PAXBP1: variants seen among roughly 807,000 people sequenced by gnomAD.
The protein encoded by PAXBP1 is PAX3 and PAX7 binding protein 1.
A neutral mutation model predicts 119.9 loss-of-function variants in PAXBP1; 44 were observed. The ratio of observed to expected loss-of-function variants is 0.37; its 90% CI spans 0.29 to 0.47. The LOEUF is 0.47. PAXBP1 is among the 20% of genes least tolerant of loss of function. The probability of loss-of-function intolerance (pLI) is 0.99; values close to 1 mark genes in which losing one functional copy is unlikely to be tolerated. For missense variants in PAXBP1, 898 were observed against 1,134.1 expected (o/e 0.79, Z 2.99); for synonymous variants, 393 against 406.6 (o/e 0.97, Z 0.40).
At chr21:32,753,584 T>C (rs2043997090) in intron 8 of PAXBP1, among the ~76,000 whole-genome samples, 1 of 152,232 alleles carries the variant, frequency 6.6e-6, no homozygotes. Context: ...AGATAAGTGC[T>C]TATAAATCTA....
At chr21:32,744,992 C>A (rs982198390) in intron 12 of PAXBP1, 79 bp from the exon 13 acceptor site, 14 of 1,388,622 alleles carry the variant, frequency 1.0e-5, no homozygotes, top group East Asian at 2.4e-5. Flanking sequence ...TCTATTAATG[C>A]CAATCCTAAT....
At position 32,734,719 on chromosome 21, in the gene PAXBP1, C is replaced by T. The variant is rs1274199155; in HGVS notation, c.*231G>A. The stretch of plus-strand genomic sequence containing the variant: ...TTAATTTAAATGACCATACAAAATA[C>T]TTCAGTAAACAAAGTATGACAGGCA... On this transcript the variant is annotated 3_prime_UTR_variant, in exon 18 of 18. Coordinates refer to ENST00000331923, the MANE Select transcript of PAXBP1 (RefSeq NM_016631.4). The T allele has an allele frequency of 7.5e-6, 4 of 532,592 alleles. No homozygotes were observed. Among genetic ancestry groups the T allele is most frequent in the Non-Finnish European group, 1.3e-5 (4 of 301,288 alleles). 33.0% of individuals were successfully genotyped at this position (532,592 alleles called of 1,614,324 possible). A position where few individuals can be genotyped will look rare whatever the true frequency, so the allele number is the denominator to read the frequency against.
rs1359746727 is a variant in PAXBP1 at position 32,771,341 on chromosome 21, G to C, written c.328C>G (p.Gln110Glu). The C allele has an allele frequency of 1.9e-6, 3 of 1,584,142 alleles. No homozygotes were observed. Among genetic ancestry groups the C allele is most frequent in the Non-Finnish European group, 2.6e-6 (3 of 1,172,816 alleles). Residue 110 changes from glutamine to glutamate, a missense_variant, in exon 1 of 18, where the codon CAG (glutamine) becomes GAG (glutamate). Gln to Glu is a conservative substitution (Grantham distance 29). Around this residue, in one of 2 missense-constraint regions of PAXBP1, gnomAD observed 299 missense variants for 281.4 expected, o/e 1.06. Transcript: ENST00000331923. ...CGCACTTTACCTTCCTCCTCGTCCT[G>C]GAAGCTGAGCAGGCTGGCCCGGGGC... ...EVPRASLLSF[Q>E]DEEEENEEVF...
At chr21:32,760,992 T>TA (rs2044135246) in intron 5 of PAXBP1, 67 bp downstream of exon 5, 3 of 1,333,902 alleles carry the variant, frequency 2.2e-6, no homozygotes, top group Non-Finnish European at 3.1e-6. Flanking sequence ...CGGAATTTTT[T>TA]ACTTTAACAA....
chr21:32,765,974 A>C (rs1006892374), intron 2 of PAXBP1, among the ~76,000 whole-genome samples: 1 of 152,148 alleles, frequency 6.6e-6, no homozygotes, highest in African/African-American at 2.4e-5. Flanking sequence ...GTCTCTACTA[A>C]ACATACAAAA....
chr21:32,740,930 A>G (rs2043773082), intron 15 of PAXBP1, among the ~76,000 whole-genome samples: 1 of 152,256 alleles, frequency 6.6e-6, no homozygotes, highest in South Asian at 2.1e-4. Flanking sequence ...AGATTTGAAG[A>G]CATTTCACCA....
chr21:32,744,742 T>C, intron 13 of PAXBP1, 50 bp downstream of exon 13: 1 of 1,497,444 alleles, frequency 6.7e-7, no homozygotes, highest in South Asian at 1.3e-5. Context: ...CTTGCTCATA[T>C]TCAACAGAAA....
intron 15 of PAXBP1, among the ~76,000 whole-genome samples, chr21:32,739,196 T>C (rs1435871171): frequency 6.6e-6 from 1 of 152,222 alleles, no homozygotes; most frequent in Non-Finnish European, 1.5e-5. Context: ...CTGTTACAGA[T>C]GCAGGGGAAA....
chr21:32,738,294 T>C lies in PAXBP1; in HGVS notation c.2360A>G (p.Tyr787Cys), dbSNP rs780183403. The C allele has an allele frequency of 3.8e-6, 6 of 1,591,286 alleles. No homozygotes were observed. Among genetic ancestry groups the C allele is most frequent in the South Asian group, 2.3e-5 (2 of 85,258 alleles). ...VKLLGNFLQWYGIFSNKTLQE... is the reference protein window; with the variant it reads ...VKLLGNFLQWCGIFSNKTLQE... ...CAGAGTTTTATTTGAGAAAATGCCA[T>C]ACCACTGAAGAAAATTGCCTAACAG... The change falls in exon 16 of 18, where the codon TAT (tyrosine) becomes TGT (cysteine). Residue 787 changes from tyrosine to cysteine, a missense_variant. This residue lies in a region of PAXBP1 where 599 missense variants were observed against 852.7 expected (regional missense o/e 0.70). Coordinates refer to ENST00000331923, the MANE Select transcript of PAXBP1 (RefSeq NM_016631.4).
At chr21:32,767,802 G>A (rs1037303146) in intron 2 of PAXBP1, among the ~76,000 whole-genome samples, 3 of 152,116 alleles carry the variant, frequency 2.0e-5, no homozygotes, top group Admixed American at 2.0e-4. Flanking sequence ...TCCCAGTCTT[G>A]GGTATGTCTT....
intron 1 of PAXBP1, among the ~76,000 whole-genome samples, 177 bp from the exon 2 acceptor site, chr21:32,770,119 A>C (rs946343637): frequency 2.6e-5 from 4 of 152,192 alleles, no homozygotes; most frequent in African/African-American, 9.7e-5. Context: ...CAACTTCCTA[A>C]ATTACTGTGA....
chr21:32,759,606 G>A, intron 6 of PAXBP1, 171 bp downstream of exon 6: 2 of 657,936 alleles, frequency 3.0e-6, no homozygotes, highest in South Asian at 3.9e-5. Context: ...TTCCACAGAA[G>A]TAATCCAAGA....
intron 11 of PAXBP1, 42 bp from the exon 12 acceptor site, chr21:32,745,760 G>T (rs1416029435): frequency 1.2e-6 from 2 of 1,605,858 alleles, no homozygotes; most frequent in Admixed American, 3.3e-5. Context: ...TAAAATAGTG[G>T]CTATTTCTGC....
rs143526654 is a variant in PAXBP1 at position 32,748,520 on chromosome 21, G to A, written c.1902C>T (p.Leu634=). Residue 634 remains leucine, a synonymous_variant, in exon 11 of 18, where the codon CTC becomes CTT. Coordinates refer to ENST00000331923, the MANE Select transcript of PAXBP1 (RefSeq NM_016631.4). The stretch of plus-strand genomic sequence containing the variant: ...TCACCTCAAGAGGAGTCCAAGTGAG[G>A]AGCTGAAGTCGTATGAGGGGGTTGA... The part of the protein sequence containing the change: ...KLFNPLIRLQ[L]LTWTPLEAKC... 3.3e-4 allele frequency: 534 copies of A among 1,613,774 alleles called. 1 individual carries two copies. Among genetic ancestry groups the A allele is most frequent in the Non-Finnish European group, 4.4e-4 (516 of 1,179,888 alleles).
In PAXBP1 at chr21:32,762,440, T is replaced by C. The variant is rs1601606600; in HGVS notation, c.650-123A>G. ...CAGTGATGTTTCAGCTGCTGGCACC[T>C]CCTTCCCATACTATGTCTGCAATCC... On this transcript the variant is annotated intron_variant, in intron 3 of 17. Coordinates refer to ENST00000331923, the MANE Select transcript of PAXBP1 (RefSeq NM_016631.4). 4 of 1,295,702 alleles carry C rather than the reference T, an allele frequency of 3.1e-6. No homozygotes were observed. The East Asian group carries it at 1.0e-4, about 33-fold the overall frequency. The allele number at this position is 1,295,702 out of a possible 1,614,324, so 80.3% of individuals were successfully genotyped here.
chr21:32,739,705 G>A lies in PAXBP1; in HGVS notation c.2335-1386C>T, dbSNP rs2043748150. Among the ~76,000 whole-genome samples the A allele has an allele frequency of 2.6e-5, 4 of 151,730 alleles. No homozygotes were observed. In the South Asian group the frequency reaches 8.3e-4, roughly 32 times the overall value. On this transcript the variant is annotated intron_variant, in intron 15 of 17. Coordinates refer to ENST00000331923, the MANE Select transcript of PAXBP1 (RefSeq NM_016631.4). ...GCAGATCACGAGGTCAGGAGATCGA[G>A]ACCATCCTGGCTAACATGATGAAAC...
intron 7 of PAXBP1, among the ~76,000 whole-genome samples, 164 bp downstream of exon 7, chr21:32,758,916 T>C (rs1276559324): frequency 2.0e-5 from 3 of 151,992 alleles, no homozygotes. Flanking sequence ...CCTTAAGAGA[T>C]AATGCCACTA....
intron 16 of PAXBP1, among the ~76,000 whole-genome samples, 179 bp downstream of exon 16, chr21:32,737,991 ATTT>A (rs2043718579): frequency 2.0e-5 from 3 of 152,184 alleles, no homozygotes; most frequent in Admixed American, 2.0e-4. Flanking sequence ...AACAGTATGC[ATTT>A]TTATGTAAAA....
intron 3 of PAXBP1, among the ~76,000 whole-genome samples, chr21:32,762,640 C>T (rs753615957): frequency 2.0e-5 from 3 of 151,396 alleles, no homozygotes; most frequent in East Asian, 1.9e-4. Flanking sequence ...TAGAAGTGGC[C>T]GGGCACAGTG....
Sources: allele counts gnomAD v4.1 joint callset (sites outside exome capture counted in the v4.1 genomes callset), GRCh38; gene constraint gnomAD v4.1.1; regional missense constraint gnomAD v4.1.1; transcripts MANE v1.5; gene names NCBI Gene and HGNC (gene_info 2026-07-23, HGNC 2026-07-21).